The following PPP2R5C variants were observed in gnomAD, a reference collection of about 807,000 sequenced individuals.
PPP2R5C encodes protein phosphatase 2 regulatory subunit B'gamma.
PPP2R5C carries 7 observed loss-of-function variants against 68.9 expected under a neutral mutation model. The observed-to-expected ratio is 0.10, with a 90% CI of 0.06 to 0.19. The LOEUF (loss-of-function observed/expected upper bound fraction) is 0.19. PPP2R5C is among the 10% of genes least tolerant of loss of function. The pLI is 1.00. For missense variants in PPP2R5C, 348 were observed against 641.3 expected, an observed-to-expected ratio of 0.54 and a Z score of 4.94; for synonymous variants, 210 against 222.2, an observed-to-expected ratio of 0.95 and a Z score of 0.49.
intron 1 of PPP2R5C, among the ~76,000 whole-genome samples, chr14:101,811,135 G>A (rs2094559858): frequency 6.6e-6 from 1 of 152,162 alleles, no homozygotes; most frequent in Non-Finnish European, 1.5e-5. Flanking sequence ...AATAAAATGG[G>A]TGGTGCTTTT....
chr14:101,926,175 T>C (rs2047282462), exon 14 of PPP2R5C: 1 of 152,214 alleles, frequency 6.6e-6, no homozygotes, highest in Admixed American at 6.5e-5. Flanking sequence ...TAGAGCAAAA[T>C]CATTTTGAGT....
Position 101,913,525 on chromosome 14 carries a change from C to T in PPP2R5C, c.1326+1052C>T, listed in dbSNP as rs1008572499. Among the ~76,000 whole-genome samples the T allele has an allele frequency of 2.0e-5, 3 of 152,130 alleles. No individual in the cohort carries two copies. The highest frequency in any genetic ancestry group is 4.4e-5 in the Non-Finnish European group (3 of 68,028). ...CTTGAGTCCACCTAAAACAGGTAGC[C>T]AGCATTTTTCTAGCAGTTATTTACT... is the stretch of plus-strand genomic sequence containing the variant. On this transcript the variant is annotated intron_variant, in intron 12 of 13. Transcript: ENST00000334743. The surrounding 1 kb of genome is among the most constrained non-coding windows in gnomAD (Gnocchi z 4.1).
intron 2 of PPP2R5C, among the ~76,000 whole-genome samples, chr14:101,773,191 G>A (rs981282993): frequency 1.4e-4 from 22 of 152,196 alleles, no homozygotes; most frequent in African/African-American, 4.8e-4. Context: ...GCACAGAAGT[G>A]GAGTGTGGAG....
At chr14:101,794,980 A>T (rs937620472) in intron 3 of PPP2R5C, among the ~76,000 whole-genome samples, 1 of 152,224 alleles carries the variant, frequency 6.6e-6, no homozygotes, top group South Asian at 2.1e-4. Flanking sequence ...TTGACTAATA[A>T]ATTCAGTAAA....
chr14:101,881,093 T>C (rs1478835861), intron 2 of PPP2R5C, among the ~76,000 whole-genome samples: 3 of 152,094 alleles, frequency 2.0e-5, no homozygotes, highest in Admixed American at 1.3e-4. Flanking sequence ...ATATTTAGAC[T>C]TAGTATAAAA....
chr14:101,825,077 G>C lies in PPP2R5C; in HGVS notation c.94+15041G>C, dbSNP rs931239337. 6.6e-6 allele frequency among the ~76,000 whole-genome samples: 1 copy of C among 152,224 alleles called. No homozygotes were observed. The highest frequency in any genetic ancestry group is 2.1e-4 in the South Asian group (1 of 4,836). ...GCAAGACGCAGCAGTGGCTTCTCACGCCATCTTCGTCACTACACAAGGGGA... is the reference window on the plus strand; with the variant it reads ...GCAAGACGCAGCAGTGGCTTCTCACCCCATCTTCGTCACTACACAAGGGGA... On this transcript the variant is annotated intron_variant, in intron 1 of 13. Coordinates refer to ENST00000334743, the Ensembl canonical transcript of PPP2R5C. This position sits in a 1 kb window ranked among gnomAD's most constrained non-coding sequence, Gnocchi z 4.0.
chr14:101,761,714 CGTGGCT>C, upstream of PPP2R5C: 4 of 717,660 alleles, frequency 5.6e-6, no homozygotes, highest in Non-Finnish European at 6.7e-6. Context: ...CCGCCGCCGC[CGTGGCT>C]GCCGCAGCCT....
At chr14:101,772,555 G>T (rs907715321) in intron 2 of PPP2R5C, among the ~76,000 whole-genome samples, 3 of 152,148 alleles carry the variant, frequency 2.0e-5, no homozygotes, top group African/African-American at 7.2e-5. Context: ...GGCACTTTGG[G>T]AGGCCGAGTC....
chr14:101,874,565 T>C (rs1223513941), intron 2 of PPP2R5C, among the ~76,000 whole-genome samples: 2 of 152,234 alleles, frequency 1.3e-5, no homozygotes, highest in Non-Finnish European at 2.9e-5. Flanking sequence ...TTCTTATGTA[T>C]AAATATTCTA....
Position 101,863,650 on chromosome 14 carries a change from A to C in PPP2R5C, c.294+6765A>C, listed in dbSNP as rs148652391. ...GGTGGCTCACACCTGTAATCCCAGCACTTTGGGAGGCCAAGGCTGGCGGAT... is the reference window on the plus strand; with the variant it reads ...GGTGGCTCACACCTGTAATCCCAGCCCTTTGGGAGGCCAAGGCTGGCGGAT... On this transcript the variant is annotated intron_variant, in intron 2 of 13. Coordinates refer to ENST00000334743, the Ensembl canonical transcript of PPP2R5C. Among the ~76,000 whole-genome samples the C allele has an allele frequency of 4.3e-3, 653 of 152,208 alleles. 4 individuals are homozygous for C. The highest frequency in any genetic ancestry group is 0.015 in the African/African-American group (623 of 41,508).
upstream of PPP2R5C, among the ~76,000 whole-genome samples, chr14:101,809,072 AAAACTT>A (rs2039198681): frequency 6.6e-6 from 1 of 152,218 alleles, no homozygotes; most frequent in Admixed American, 6.5e-5. Context: ...CAAAATATCT[AAAACTT>A]AAAAGGTATT....
chr14:101,909,896 A>G (rs2144988), intron 11 of PPP2R5C, among the ~76,000 whole-genome samples: 1 of 152,228 alleles, frequency 6.6e-6, no homozygotes, highest in African/African-American at 2.4e-5. Flanking sequence ...CCCCCCTTGT[A>G]TTGCCAGATT....
intron 2 of PPP2R5C, among the ~76,000 whole-genome samples, chr14:101,767,734 C>A (rs143053922): frequency 3.9e-5 from 6 of 152,338 alleles, no homozygotes; most frequent in African/African-American, 1.4e-4. Flanking sequence ...AGCGCCTCCC[C>A]ATGGTCTTTC....
At chr14:101,892,178 A>T (rs1417896820) in intron 6 of PPP2R5C, among the ~76,000 whole-genome samples, 2 of 152,070 alleles carry the variant, frequency 1.3e-5, no homozygotes, top group Admixed American at 1.3e-4. Context: ...GCTGGTCTTG[A>T]ATTCCTGACC....
At chr14:101,813,394 T>C (rs917396817) in intron 1 of PPP2R5C, among the ~76,000 whole-genome samples, 6 of 152,250 alleles carry the variant, frequency 3.9e-5, no homozygotes, top group Non-Finnish European at 7.3e-5. Flanking sequence ...CAGGCTGGAT[T>C]TGGCCCATGG....
At chr14:101,766,174 A>C (rs2036851324) in intron 2 of PPP2R5C, 1 of 152,390 alleles carries the variant, frequency 6.6e-6, no homozygotes, top group South Asian at 2.1e-4. Context: ...CATAGAAAGC[A>C]AGAAAGCAGG....
intron 8 of PPP2R5C, 46 bp downstream of exon 10, chr14:101,894,606 T>C: frequency 6.5e-7 from 1 of 1,533,640 alleles, no homozygotes; most frequent in Non-Finnish European, 9.0e-7. Context: ...TGCATTTCAC[T>C]AAATGTAAAT....
intron 8 of PPP2R5C, among the ~76,000 whole-genome samples, chr14:101,897,254 A>T (rs1474712897): frequency 3.3e-5 from 5 of 152,170 alleles, no homozygotes; most frequent in Non-Finnish European, 7.4e-5. Context: ...GACTGAAGAC[A>T]TGTTTAGGTA....
intron 2 of PPP2R5C, among the ~76,000 whole-genome samples, chr14:101,780,395 G>A (rs1212647102): frequency 2.6e-5 from 4 of 152,150 alleles, no homozygotes; most frequent in Admixed American, 1.3e-4. Context: ...ATACGTTTGA[G>A]AGATATGATA....
Sources: allele counts gnomAD v4.1 joint callset (sites outside exome capture counted in the v4.1 genomes callset), GRCh38; gene constraint gnomAD v4.1.1; non-coding constraint Gnocchi (gnomAD v3.1); transcripts MANE v1.5; gene names NCBI Gene and HGNC (gene_info 2026-07-23, HGNC 2026-07-21).